The following SPAG16 variants were observed in gnomAD, a reference collection of about 807,000 sequenced individuals.
SPAG16 encodes sperm associated antigen 16, also known as sperm-associated antigen 16 protein.
In SPAG16, 86 loss-of-function variants were observed where a neutral mutation model predicts 80.4. That is an observed-to-expected ratio of 1.07 (90% CI 0.90 to 1.28). The LOEUF (loss-of-function observed/expected upper bound fraction) is 1.28. Among genes scored for constraint, SPAG16 ranks in the 50% most tolerant of loss-of-function variants. The pLI, the probability that SPAG16 is intolerant of heterozygous loss-of-function variation, is 0.00. For synonymous variants in SPAG16, 294 were observed against 265.9 expected, an observed-to-expected ratio of 1.11 and a Z score of -1.03; for missense variants, 870 against 765.3, an observed-to-expected ratio of 1.14 and a Z score of -1.61.
At chr2:214,111,945 G>A (rs1036897928) in intron 14 of SPAG16, among the ~76,000 whole-genome samples, 1 of 152,082 alleles carries the variant, frequency 6.6e-6, no homozygotes. Context: ...TGGTGTATAG[G>A]AATGTTTGTG....
intron 14 of SPAG16, among the ~76,000 whole-genome samples, chr2:214,132,052 A>T (rs925456893): frequency 6.6e-6 from 1 of 152,214 alleles, no homozygotes; most frequent in African/African-American, 2.4e-5. Flanking sequence ...AGGACATATG[A>T]GAAATCTTCA....
intron 3 of SPAG16, among the ~76,000 whole-genome samples, chr2:213,303,160 C>T (rs1253326372): frequency 6.6e-6 from 1 of 152,070 alleles, no homozygotes; most frequent in Admixed American, 6.6e-5. Flanking sequence ...ATCTTGTACT[C>T]TGCTAGTTTG....
intron 13 of SPAG16, among the ~76,000 whole-genome samples, chr2:214,047,981 A>G: frequency 6.6e-6 from 1 of 152,210 alleles, no homozygotes; most frequent in East Asian, 1.9e-4. Flanking sequence ...AATCAATGCT[A>G]CAATGAGATA....
At chr2:213,803,808 G>A (rs1390835311) in intron 10 of SPAG16, among the ~76,000 whole-genome samples, 1 of 152,126 alleles carries the variant, frequency 6.6e-6, no homozygotes, top group Non-Finnish European at 1.5e-5. Flanking sequence ...TGCCATCCTA[G>A]CTCACTGCAG....
chr2:214,158,672 G>C (rs1354559377), intron 15 of SPAG16, among the ~76,000 whole-genome samples: 1 of 151,946 alleles, frequency 6.6e-6, no homozygotes, highest in Admixed American at 6.6e-5. Flanking sequence ...ATTTGGGGTA[G>C]TATTTTTAAA....
chr2:214,159,991 T>C (rs973915197), intron 15 of SPAG16, among the ~76,000 whole-genome samples: 9 of 151,980 alleles, frequency 5.9e-5, no homozygotes, highest in African/African-American at 2.2e-4. Context: ...CCAGGCACTG[T>C]TCTAAATTCT....
At chr2:213,932,492 T>G (rs1435860258) in intron 12 of SPAG16, among the ~76,000 whole-genome samples, 1 of 152,198 alleles carries the variant, frequency 6.6e-6, no homozygotes, top group East Asian at 1.9e-4. Context: ...CGTGAACCAC[T>G]GCGCCTGGCC....
rs1033740987 is a variant in SPAG16, at chr2:213,874,861, G to C, written c.1214+12233G>C. Reference sequence around the variant, plus strand: ...GAAGTGGAGAATTAGGACCATTTTTGAACTCTGTCATTTATATGCATGGGA... The same window carrying C: ...GAAGTGGAGAATTAGGACCATTTTTCAACTCTGTCATTTATATGCATGGGA... On this transcript the variant is annotated intron_variant, in intron 11 of 15. Coordinates refer to ENST00000331683, the MANE Select transcript of SPAG16 (RefSeq NM_024532.5). 6.6e-5 allele frequency among the ~76,000 whole-genome samples: 10 copies of C among 152,242 alleles called. No individual in the cohort carries two copies. In the South Asian group the frequency reaches 2.1e-3, roughly 32 times the overall value.
intron 13 of SPAG16, among the ~76,000 whole-genome samples, chr2:214,061,421 A>G (rs555096522): frequency 1.3e-5 from 2 of 152,318 alleles, no homozygotes; most frequent in Non-Finnish European, 2.9e-5. Context: ...GCGTGTGTAT[A>G]CATATACTTT....
rs368323363 is a variant in SPAG16 at position 214,014,022 on chromosome 2, A to G, written c.1472A>G (p.Asn491Ser). The G allele has an allele frequency of 9.9e-6, 16 of 1,613,594 alleles. No homozygotes were observed. The highest frequency in any genetic ancestry group is 8.9e-5 in the East Asian group (4 of 44,794). Residue 491 changes from asparagine (N) to serine (S), a missense_variant, in exon 13 of 16, where the codon AAT (asparagine) becomes AGT (serine). Asn to Ser is a conservative substitution (Grantham distance 46). Transcript: ENST00000331683. Reference protein sequence around the residue: ...VNSIEFFPFSNTLLTSSADKT... With the variant: ...VNSIEFFPFSSTLLTSSADKT... ...AGCATTGAGTTTTTTCCTTTCTCCA[A>G]TACTCTTCTCACAAGCTCTGCAGAC... is the stretch of plus-strand genomic sequence containing the variant.
At chr2:213,663,960 A>C (rs1284196948) in intron 10 of SPAG16, among the ~76,000 whole-genome samples, 1 of 152,142 alleles carries the variant, frequency 6.6e-6, no homozygotes, top group East Asian at 1.9e-4. Flanking sequence ...AAACAGCACA[A>C]ATTTATTATC....
At chr2:214,083,039 T>C (rs1199348840) in intron 13 of SPAG16, among the ~76,000 whole-genome samples, 1 of 152,208 alleles carries the variant, frequency 6.6e-6, no homozygotes, top group Non-Finnish European at 1.5e-5. Context: ...CCTATTTTGT[T>C]CTTTGACTTT....
At chr2:213,658,795 T>C (rs2063314448) in intron 10 of SPAG16, among the ~76,000 whole-genome samples, 1 of 152,142 alleles carries the variant, frequency 6.6e-6, no homozygotes, top group South Asian at 2.1e-4. Context: ...TTCCAGCACT[T>C]TAGGAGGCCA....
intron 13 of SPAG16, among the ~76,000 whole-genome samples, chr2:214,053,806 C>T (rs1407038398): frequency 6.6e-6 from 1 of 152,156 alleles, no homozygotes; most frequent in Non-Finnish European, 1.5e-5. Flanking sequence ...CTATTCATGC[C>T]AAAGCTTATA....
intron 10 of SPAG16, among the ~76,000 whole-genome samples, chr2:213,607,642 G>A (rs1234611750): frequency 1.3e-5 from 2 of 152,240 alleles, no homozygotes; most frequent in Non-Finnish European, 2.9e-5. Flanking sequence ...GATGCACACC[G>A]GAATCTACTG....
At chr2:214,052,168 G>A (rs1374700642) in intron 13 of SPAG16, among the ~76,000 whole-genome samples, 1 of 152,168 alleles carries the variant, frequency 6.6e-6, no homozygotes, top group Non-Finnish European at 1.5e-5. Flanking sequence ...GAAAAGGGCA[G>A]CCAATTTAAA....
chr2:214,266,488 C>T (rs922536307), intron 15 of SPAG16, among the ~76,000 whole-genome samples: 1 of 151,644 alleles, frequency 6.6e-6, no homozygotes, highest in African/African-American at 2.4e-5. Flanking sequence ...GAGTAAAAGC[C>T]ATATATGACA....
chr2:213,491,206 A>G (rs1229090194), intron 10 of SPAG16, among the ~76,000 whole-genome samples: 1 of 152,256 alleles, frequency 6.6e-6, no homozygotes, highest in African/African-American at 2.4e-5. Flanking sequence ...ATTTCAATGT[A>G]AAACAAGTGC....
chr2:214,134,215 A>C (rs1285658523), intron 14 of SPAG16, among the ~76,000 whole-genome samples: 2 of 152,140 alleles, frequency 1.3e-5, no homozygotes, highest in Non-Finnish European at 2.9e-5. Context: ...AAAGACTTTG[A>C]AGTCTACACT....
Sources: allele counts gnomAD v4.1 joint callset (sites outside exome capture counted in the v4.1 genomes callset), GRCh38; gene constraint gnomAD v4.1.1; transcripts MANE v1.5; gene names NCBI Gene and HGNC (gene_info 2026-07-23, HGNC 2026-07-21).